The following PHF14 variants were observed in gnomAD, a reference collection of about 807,000 sequenced individuals.
The protein encoded by PHF14 is PHD finger protein 14.
In PHF14, 55 loss-of-function variants were observed where a neutral mutation model predicts 117.9. The ratio of observed to expected loss-of-function variants is 0.47; its 90% CI spans 0.38 to 0.58. The LOEUF (loss-of-function observed/expected upper bound fraction) is 0.58, where lower values mean the gene tolerates loss of function less well. PHF14 is among the 20% of genes least tolerant of loss of function. PHF14 has a pLI of 0.00. For synonymous variants in PHF14, 409 were observed against 368.6 expected, an observed-to-expected ratio of 1.11 and a Z score of -1.26; for missense variants, 978 against 1,122.2, an observed-to-expected ratio of 0.87 and a Z score of 1.84.
At chr7:11,154,802 A>G (rs1788794750) in intron 17 of PHF14, among the ~76,000 whole-genome samples, 1 of 152,176 alleles carries the variant, frequency 6.6e-6, no homozygotes, top group African/African-American at 2.4e-5. Context: ...TTAGGAACAA[A>G]TGTCTTTAAA....
Position 11,135,015 on chromosome 7 carries a change from G to C in PHF14, c.2772+23548G>C, listed in dbSNP as rs1328147083. Among the ~76,000 whole-genome samples the C allele has an allele frequency of 2.0e-5, 3 of 151,998 alleles. 1 individual carries two copies. Among genetic ancestry groups the C allele is most frequent in the South Asian group, 4.1e-4 (2 of 4,826 alleles). Reference sequence around the variant, plus strand: ...TTCTTCACTTGACAGACCCTTCTAAGGTCTCTAACTTCCTCTCAGCAATAT... The same window carrying C: ...TTCTTCACTTGACAGACCCTTCTAACGTCTCTAACTTCCTCTCAGCAATAT... On this transcript the variant is annotated intron_variant, in intron 17 of 17. Coordinates refer to ENST00000634607, the MANE Select transcript of PHF14 (RefSeq NM_001007157.2).
intron 13 of PHF14, among the ~76,000 whole-genome samples, chr7:11,048,680 A>AT (rs1231901939): frequency 1.3e-5 from 2 of 152,300 alleles, no homozygotes; most frequent in African/African-American, 2.4e-5. Flanking sequence ...TAGCAGAAAC[A>AT]TTTTTTACAT....
At chr7:11,123,272 C>CT (rs1787826970) in intron 17 of PHF14, among the ~76,000 whole-genome samples, 1 of 152,070 alleles carries the variant, frequency 6.6e-6, no homozygotes, top group African/African-American at 2.4e-5. Context: ...TTAAAATATC[C>CT]TTTTGTCTAG....
chr7:11,117,773 T>C (rs943340928), intron 17 of PHF14, among the ~76,000 whole-genome samples: 61 of 151,874 alleles, frequency 4.0e-4, no homozygotes, highest in African/African-American at 1.3e-3. Flanking sequence ...GGAAATTGAA[T>C]GTCTGAATTT....
At chr7:11,070,984 A>G (rs376334388) in intron 16 of PHF14, among the ~76,000 whole-genome samples, 3 of 152,216 alleles carry the variant, frequency 2.0e-5, no homozygotes, top group Admixed American at 1.3e-4. Context: ...CTGAGTACAA[A>G]CTTAAAAATC....
chr7:11,054,758 G>C (rs1450635440), intron 14 of PHF14, among the ~76,000 whole-genome samples: 1 of 151,880 alleles, frequency 6.6e-6, no homozygotes, highest in Non-Finnish European at 1.5e-5. Flanking sequence ...TTAAACTATT[G>C]CTCCCAATAT....
Position 11,038,484 on chromosome 7 carries a change from C to T in PHF14, c.1981-276C>T, listed in dbSNP as rs552413231. On this transcript the variant is annotated intron_variant, in intron 10 of 17. Coordinates refer to ENST00000634607, the MANE Select transcript of PHF14 (RefSeq NM_001007157.2). Reference sequence around the variant, plus strand: ...ACCATCCTGGCCAACATGGTGAAACCCTGTCTCTACTAAAAATACAAAAAT... The same window carrying T: ...ACCATCCTGGCCAACATGGTGAAACTCTGTCTCTACTAAAAATACAAAAAT... Among the ~76,000 whole-genome samples, 100 of 150,420 alleles carry T rather than the reference C, an allele frequency of 6.6e-4. 1 individual carries two copies. The highest frequency in any genetic ancestry group is 3.2e-3 in the Admixed American group (49 of 15,120).
intron 17 of PHF14, among the ~76,000 whole-genome samples, chr7:11,126,102 T>A (rs1787921481): frequency 6.6e-6 from 1 of 152,150 alleles, no homozygotes; most frequent in African/African-American, 2.4e-5. Context: ...AAATCAGAGT[T>A]CAAAATTTAG....
At chr7:11,082,695 G>A (rs1287417011) in intron 16 of PHF14, among the ~76,000 whole-genome samples, 1 of 152,140 alleles carries the variant, frequency 6.6e-6, no homozygotes, top group African/African-American at 2.4e-5. Context: ...TGACCAAATA[G>A]ATATTTCTCC....
rs774895574 is a variant in PHF14 at position 10,974,310 on chromosome 7, C to T, written c.-14C>T. ...CCCTAAGTCTTCTCCAAACGACCACCTCACGGATTCCTTAGTAAGTGTATC... is the reference window on the plus strand; with the variant it reads ...CCCTAAGTCTTCTCCAAACGACCACTTCACGGATTCCTTAGTAAGTGTATC... On this transcript the variant is annotated 5_prime_UTR_variant, in exon 1 of 18. Transcript: ENST00000634607. The T allele has an allele frequency of 2.5e-6, 4 of 1,589,768 alleles. No homozygotes were observed. In the South Asian group the frequency reaches 4.6e-5, roughly 18 times the overall value.
chr7:11,098,517 C>G (rs765288240), intron 16 of PHF14, among the ~76,000 whole-genome samples: 89 of 152,136 alleles, frequency 5.9e-4, no homozygotes, highest in Non-Finnish European at 1.1e-3. Flanking sequence ...TCTACTATGT[C>G]TCACTTCCCC....
chr7:11,123,395 A>G (rs1476790998), intron 17 of PHF14, among the ~76,000 whole-genome samples: 1 of 152,196 alleles, frequency 6.6e-6, no homozygotes. Flanking sequence ...AGGCGAATGT[A>G]TATTAATTTG....
chr7:10,986,008 T>A (rs1640713), intron 3 of PHF14, among the ~76,000 whole-genome samples: 4 of 151,204 alleles, frequency 2.6e-5, no homozygotes, highest in Admixed American at 2.6e-4. Flanking sequence ...TCGCTTTGTT[T>A]CCTGGACTGG....
chr7:11,167,635 A>T (rs1407722645), intron 17 of PHF14, among the ~76,000 whole-genome samples: 1 of 152,242 alleles, frequency 6.6e-6, no homozygotes, highest in Non-Finnish European at 1.5e-5. Context: ...ATTTCTTGCC[A>T]TCCGTACCTG....
chr7:11,138,340 C>T (rs569967179), intron 17 of PHF14, among the ~76,000 whole-genome samples: 215 of 151,808 alleles, frequency 1.4e-3, no homozygotes, highest in African/African-American at 4.7e-3. Context: ...TGCGCCTGGC[C>T]GGAAAAATAT....
At chr7:11,149,370 C>G (rs1412472208) in intron 17 of PHF14, among the ~76,000 whole-genome samples, 1 of 152,036 alleles carries the variant, frequency 6.6e-6, no homozygotes, top group Non-Finnish European at 1.5e-5. Flanking sequence ...TCTAACTCTA[C>G]CAATTGGCTA....
intron 4 of PHF14, among the ~76,000 whole-genome samples, chr7:10,996,959 G>A (rs905239821): frequency 1.7e-4 from 26 of 152,286 alleles, no homozygotes; most frequent in African/African-American, 6.0e-4. Flanking sequence ...AGTGGACAGA[G>A]TAGGTATCAC....
At chr7:11,019,224 G>A (rs1217908137) in intron 5 of PHF14, among the ~76,000 whole-genome samples, 1 of 152,084 alleles carries the variant, frequency 6.6e-6, no homozygotes, top group Non-Finnish European at 1.5e-5. Flanking sequence ...GGCTGGTTTT[G>A]GTATCAGAGT....
chr7:11,093,712 C>G (rs895486219), intron 16 of PHF14, among the ~76,000 whole-genome samples: 6 of 152,202 alleles, frequency 3.9e-5, no homozygotes, highest in Admixed American at 1.3e-4. Context: ...TCAAACTCAG[C>G]CTTCAGCCTC....
Sources: gnomAD v4.1 joint callset for allele counts (sites outside exome capture counted in the v4.1 genomes callset) on GRCh38, gnomAD v4.1.1 for gene constraint, MANE v1.5 for transcripts, NCBI Gene and HGNC (gene_info 2026-07-23, HGNC 2026-07-21) for gene names.